CDH4: variants seen among roughly 807,000 people sequenced by gnomAD.
The protein encoded by CDH4 is cadherin-4.
Under a neutral mutation model 86.0 loss-of-function variants are expected in CDH4, and 33 were observed. That is an observed-to-expected ratio of 0.38 (90% CI 0.29 to 0.51). CDH4 has a LOEUF of 0.51. Ranked by LOEUF, CDH4 falls within the 20% of genes least tolerant of loss-of-function variation. The pLI is 0.86. For missense variants in CDH4, 1,114 were observed against 1,307.4 expected, an observed-to-expected ratio of 0.85 and a Z score of 2.28; for synonymous variants, 555 against 549.4, an observed-to-expected ratio of 1.01 and a Z score of -0.14.
chr20:61,463,885 G>A (rs771299771), intron 2 of CDH4, among the ~76,000 whole-genome samples: 25 of 152,132 alleles, frequency 1.6e-4, no homozygotes, highest in Non-Finnish European at 3.2e-4. Context: ...GGGAGGTCAG[G>A]GGCAATGGTC....
At chr20:61,744,189 G>A (rs1015489868) in intron 3 of CDH4, among the ~76,000 whole-genome samples, 4 of 152,208 alleles carry the variant, frequency 2.6e-5, no homozygotes, top group East Asian at 1.9e-4. Context: ...AGAAGCAAGC[G>A]GAGACTGTGT....
At chr20:61,901,226 G>GGA (rs1568876470) in intron 8 of CDH4, among the ~76,000 whole-genome samples, 2 of 128,354 alleles carry the variant, frequency 1.6e-5, no homozygotes, top group African/African-American at 6.1e-5. Flanking sequence ...GAGGAGTAGG[G>GGA]GCAGGGGCAG....
intron 4 of CDH4, among the ~76,000 whole-genome samples, chr20:61,793,017 C>T (rs1212083976): frequency 6.6e-6 from 1 of 151,532 alleles, no homozygotes; most frequent in Non-Finnish European, 1.5e-5. Context: ...GGCTGGAGTG[C>T]AGTAGTGCAG....
intron 2 of CDH4, among the ~76,000 whole-genome samples, chr20:61,459,268 A>G (rs1389596288): frequency 6.6e-6 from 1 of 151,974 alleles, no homozygotes; most frequent in Non-Finnish European, 1.5e-5. Flanking sequence ...GTCAAACACA[A>G]AGTTGCCAGT....
intron 2 of CDH4, among the ~76,000 whole-genome samples, chr20:61,554,400 CATT>C (rs990207779): frequency 2.0e-5 from 3 of 152,354 alleles, no homozygotes; most frequent in African/African-American, 7.2e-5. Flanking sequence ...GCCCTTGAAA[CATT>C]ATGTCGCCAC....
At chr20:61,529,929 G>T (rs6061603) in intron 2 of CDH4, among the ~76,000 whole-genome samples, 3 of 151,948 alleles carry the variant, frequency 2.0e-5, no homozygotes, top group Non-Finnish European at 2.9e-5. Flanking sequence ...CCTCTGCCTC[G>T]CAGATTCAAG....
At chr20:61,849,775 C>A (rs1982628974) in intron 5 of CDH4, among the ~76,000 whole-genome samples, 1 of 152,236 alleles carries the variant, frequency 6.6e-6, no homozygotes, top group Admixed American at 6.5e-5. Flanking sequence ...TTCTCTCCTG[C>A]CTCCAGCTGG....
At chr20:61,866,238 G>T (rs1047810275) in intron 6 of CDH4, among the ~76,000 whole-genome samples, 1 of 152,134 alleles carries the variant, frequency 6.6e-6, no homozygotes, top group African/African-American at 2.4e-5. Flanking sequence ...GGCACAGAGG[G>T]ATGTTCAGTA....
intron 2 of CDH4, among the ~76,000 whole-genome samples, chr20:61,638,083 C>T (rs542990340): frequency 6.6e-6 from 1 of 150,562 alleles, no homozygotes; most frequent in Non-Finnish European, 1.5e-5. Context: ...AGATCACAGA[C>T]ATGAGGCTAA....
At chr20:61,332,104 G>A (rs1230773967) in intron 2 of CDH4, among the ~76,000 whole-genome samples, 1 of 152,178 alleles carries the variant, frequency 6.6e-6, no homozygotes, top group Non-Finnish European at 1.5e-5. Context: ...ACTCGACAGC[G>A]ATGCCCGGCT....
chr20:61,770,981 A>AT (rs199543620), intron 3 of CDH4, among the ~76,000 whole-genome samples: 2,262 of 140,484 alleles, frequency 0.016, 70 homozygotes, highest in African/African-American at 0.058. Flanking sequence ...ATTTTCATGT[A>AT]TTTTCTTACA....
intron 2 of CDH4, among the ~76,000 whole-genome samples, chr20:61,565,215 CGGTGGTA>C (rs1199741248): frequency 4.9e-5 from 2 of 41,168 alleles, no homozygotes; most frequent in Non-Finnish European, 9.0e-5. Context: ...GCGGTGCTCT[CGGTGGTA>C]GGTGGTGGTG....
intron 6 of CDH4, among the ~76,000 whole-genome samples, chr20:61,868,313 G>C (rs540711864): frequency 1.3e-5 from 2 of 152,164 alleles, no homozygotes; most frequent in Non-Finnish European, 2.9e-5. Flanking sequence ...TTCAGTCCAA[G>C]GGAACCCTCT....
At chr20:61,733,486 C>A (rs1354005423) in intron 2 of CDH4, among the ~76,000 whole-genome samples, 1 of 152,162 alleles carries the variant, frequency 6.6e-6, no homozygotes, top group African/African-American at 2.4e-5. Context: ...CCCCCACAGA[C>A]CCTCTGCTCC....
chr20:61,568,872 C>T (rs375597848), intron 2 of CDH4, among the ~76,000 whole-genome samples: 2 of 152,236 alleles, frequency 1.3e-5, no homozygotes, highest in African/African-American at 4.8e-5. Context: ...ATTTTCTTCA[C>T]TGCTTTCTCC....
intron 2 of CDH4, among the ~76,000 whole-genome samples, chr20:61,702,325 G>C (rs556519143): frequency 1.3e-5 from 2 of 152,194 alleles, no homozygotes; most frequent in African/African-American, 4.8e-5. Context: ...GGAATCGGGG[G>C]CCCAGGATGG....
intron 2 of CDH4, among the ~76,000 whole-genome samples, chr20:61,720,333 A>T (rs2088021977): frequency 6.6e-6 from 1 of 152,138 alleles, no homozygotes; most frequent in Non-Finnish European, 1.5e-5. Flanking sequence ...ACTCACCAGG[A>T]AGCAGGGCAG....
At chr20:61,486,483 C>T (rs538566435) in intron 2 of CDH4, among the ~76,000 whole-genome samples, 4 of 152,352 alleles carry the variant, frequency 2.6e-5, no homozygotes, top group South Asian at 2.1e-4. Flanking sequence ...TAGCTCTGAA[C>T]GCTCATGGCT....
At chr20:61,724,083 G>A (rs532765206) in intron 2 of CDH4, among the ~76,000 whole-genome samples, 139 of 144,976 alleles carry the variant, frequency 9.6e-4, no homozygotes, top group Non-Finnish European at 1.5e-3. Flanking sequence ...GCGGCAGGGC[G>A]GGTGGGTCCC....
Sources: allele counts gnomAD v4.1 joint callset (sites outside exome capture counted in the v4.1 genomes callset), GRCh38; gene constraint gnomAD v4.1.1; transcripts MANE v1.5; gene names NCBI Gene and HGNC (gene_info 2026-07-23, HGNC 2026-07-21).